The following TMEM209 variants were observed in gnomAD, a reference collection of about 807,000 sequenced individuals.
TMEM209 encodes the protein transmembrane protein 209, also known as testicular tissue protein Li 202.
In TMEM209, 65 loss-of-function variants were observed where a neutral mutation model predicts 76.2. That is an observed-to-expected ratio of 0.85 (90% CI 0.70 to 1.05). The LOEUF (loss-of-function observed/expected upper bound fraction) is 1.05. Ranked by LOEUF, TMEM209 falls within the 50% of genes least tolerant of loss-of-function variation. The probability of loss-of-function intolerance (pLI) is 0.00; values close to 1 mark genes in which losing one functional copy is unlikely to be tolerated. For synonymous variants in TMEM209, 239 were observed against 237.6 expected, an observed-to-expected ratio of 1.01 and a Z score of -0.06; for missense variants, 623 against 685.5, an observed-to-expected ratio of 0.91 and a Z score of 1.02.
chr7:130,192,185 A>C (rs1797818928), intron 6 of TMEM209: 1 of 171,146 alleles, frequency 5.8e-6, no homozygotes, highest in Non-Finnish European at 1.3e-5. Flanking sequence ...GGAAATACTA[A>C]AACGCAAGTT....
intron 1 of TMEM209, among the ~76,000 whole-genome samples, chr7:130,204,748 G>A (rs1229328860): frequency 1.3e-5 from 2 of 152,232 alleles, no homozygotes; most frequent in African/African-American, 2.4e-5. Context: ...TTTGGGGTAT[G>A]TTACACGGAC....
intron 10 of TMEM209, among the ~76,000 whole-genome samples, chr7:130,176,188 C>T (rs1797230865): frequency 6.6e-6 from 1 of 150,814 alleles, no homozygotes; most frequent in South Asian, 2.1e-4. Flanking sequence ...TCTCGGCTCA[C>T]TGCAAGCTCC....
intron 6 of TMEM209, among the ~76,000 whole-genome samples, chr7:130,187,550 A>T (rs768993273): frequency 6.6e-6 from 1 of 151,860 alleles, no homozygotes; most frequent in Non-Finnish European, 1.5e-5. Flanking sequence ...GTAGAGGACC[A>T]GGAATCTCAA....
At chr7:130,193,136 G>A (rs1330677170) in intron 5 of TMEM209, among the ~76,000 whole-genome samples, 1 of 152,192 alleles carries the variant, frequency 6.6e-6, no homozygotes, top group Non-Finnish European at 1.5e-5. Flanking sequence ...AAACCTGTAT[G>A]TTTATGGCAG....
chr7:130,203,360 T>C (rs565752836), intron 3 of TMEM209, among the ~76,000 whole-genome samples: 60 of 152,194 alleles, frequency 3.9e-4, no homozygotes, highest in Non-Finnish European at 7.5e-4. Flanking sequence ...AAATTTACTT[T>C]AACATCCATA....
intron 6 of TMEM209, 71 bp from the exon 7 acceptor site, chr7:130,185,438 T>A: frequency 7.5e-7 from 1 of 1,328,614 alleles, no homozygotes; most frequent in Non-Finnish European, 1.0e-6. Context: ...CACTTATATC[T>A]AGGCAATGGC....
chr7:130,175,650 C>CA, intron 10 of TMEM209, 41 bp from the exon 11 acceptor site: 3 of 1,374,748 alleles, frequency 2.2e-6, no homozygotes, highest in Non-Finnish European at 2.9e-6. Context: ...TAAGAGTATG[C>CA]AAAAAAGAAA....
At chr7:130,184,387 A>AG in intron 7 of TMEM209, 132 bp from the exon 8 acceptor site, 1 of 607,268 alleles carries the variant, frequency 1.6e-6, no homozygotes, top group Non-Finnish European at 2.8e-6. Context: ...ATATTCATCT[A>AG]ATTAATATTC....
At chr7:130,205,156 C>T (rs74969657) in intron 1 of TMEM209, 61 of 1,461,792 alleles carry the variant, frequency 4.2e-5, no homozygotes, top group Non-Finnish European at 5.4e-5. Flanking sequence ...CGCCACTCAG[C>T]CCCCGCGTCC....
rs1298831366 is a variant in TMEM209, at chr7:130,205,054, T to C, written c.3+319A>G. On this transcript the variant is annotated intron_variant, in intron 1 of 14. Transcript: ENST00000397622. ...ACATTTGGGATTTATAATTCCTCCT[T>C]TCTTCAGCTAGGCTCAACTCTTACA... 4.6e-6 allele frequency: 6 copies of C among 1,314,220 alleles called. No homozygotes were observed. In the Admixed American group the frequency reaches 1.6e-4, roughly 34 times the overall value. The allele number at this position is 1,314,220 out of a possible 1,614,324, so 81.4% of individuals were successfully genotyped here.
intron 9 of TMEM209, among the ~76,000 whole-genome samples, chr7:130,180,910 C>T (rs1350815876): frequency 6.6e-6 from 1 of 152,122 alleles, no homozygotes; most frequent in African/African-American, 2.4e-5. Context: ...GGCAGTGCCT[C>T]AAAAGGTTAG....
rs143570435 is a variant in TMEM209, at chr7:130,173,763, C to T, written c.1460-34G>A. ...GAAGGCAATATGCTGCATTAAAAAA[C>T]CAAACCCCCAGAGATATTTTGTGTG... On this transcript the variant is annotated intron_variant, in intron 12 of 14. Transcript: ENST00000397622. 1.2e-4 allele frequency: 199 copies of T among 1,608,580 alleles called. No individual in the cohort carries two copies. The African/African-American group carries it at 2.5e-3, about 20-fold the overall frequency.
At position 130,202,043 on chromosome 7, in the gene TMEM209, G is replaced by C; in HGVS notation, c.380C>G (p.Pro127Arg). Residue 127 changes from proline to arginine, a missense_variant, in exon 5 of 15, where the codon CCC becomes CGC. Physicochemically the swap from Pro to Arg is moderately radical, Grantham distance 103 (BLOSUM62 -2). Transcript: ENST00000397622. ...CTGAATTGAAGGGGAAGGTGGAGCG[G>C]GAGGGATTTGGGTTGCTGCCAGATC... ...PHDLAATQIP[P>R]APPSPSIQGQ... 3.1e-6 allele frequency: 5 copies of C among 1,613,904 alleles called. No individual in the cohort carries two copies. The highest frequency in any genetic ancestry group is 4.2e-6 in the Non-Finnish European group (5 of 1,179,902).
chr7:130,181,792 C>T lies in TMEM209; in HGVS notation c.1024-73G>A, dbSNP rs945431960. ...TGTCAAATAATTACTTTCTTTTTTA[C>T]AAGCAACTCTAAGAATTTTTTTTAC... On this transcript the variant is annotated intron_variant, in intron 8 of 14. Transcript: ENST00000397622. 13 of 1,260,490 alleles carry T rather than the reference C, an allele frequency of 1.0e-5. No homozygotes were observed. In the African/African-American group the frequency reaches 1.9e-4, roughly 19 times the overall value. The allele number at this position is 1,260,490 out of a possible 1,614,324, so 78.1% of individuals were successfully genotyped here.
At position 130,175,581 on chromosome 7, in the gene TMEM209, T is replaced by C; in HGVS notation, c.1275A>G (p.Ser425=). 6.2e-7 allele frequency: 1 copy of C among 1,613,060 alleles called. No individual in the cohort carries two copies. Among genetic ancestry groups the C allele is most frequent in the Non-Finnish European group, 8.5e-7 (1 of 1,179,612 alleles). ...KELSQGGCMS[S]FRWNRGGDFK... ...AGTCGCCACCTCTGTTCCATCGAAA[T>C]GAGCTCATACAACCTCCCTGAGATA... The change falls in exon 11 of 15, where the codon TCA becomes TCG. Residue 425 remains serine (S), a synonymous_variant. Transcript: ENST00000397622.
intron 5 of TMEM209, among the ~76,000 whole-genome samples, chr7:130,196,759 A>G (rs1797990099): frequency 6.6e-6 from 1 of 152,214 alleles, no homozygotes; most frequent in Non-Finnish European, 1.5e-5. Context: ...TTAGACTTCT[A>G]GCATTCAGAA....
intron 13 of TMEM209, among the ~76,000 whole-genome samples, chr7:130,171,372 T>C (rs1459200042): frequency 6.6e-6 from 1 of 152,158 alleles, no homozygotes; most frequent in Non-Finnish European, 1.5e-5. Context: ...AGCTCCTAAT[T>C]TAGATTTTCA....
intron 9 of TMEM209, 64 bp downstream of exon 9, chr7:130,181,559 A>G (rs922214973): frequency 1.2e-5 from 16 of 1,387,516 alleles, no homozygotes; most frequent in Non-Finnish European, 1.6e-5. Flanking sequence ...CGTCCATTAC[A>G]AGAAGTTTTC....
Position 130,175,860 on chromosome 7 carries a change from T to C in TMEM209, c.1247-251A>G, listed in dbSNP as rs959104390. ...GCTTCTTAAAAAAAGAGTTGATGGGTAGGGAAAATTTGAATATGGACAATA... is the reference window on the plus strand; with the variant it reads ...GCTTCTTAAAAAAAGAGTTGATGGGCAGGGAAAATTTGAATATGGACAATA... On this transcript the variant is annotated intron_variant, in intron 10 of 14. Coordinates refer to ENST00000397622, the MANE Select transcript of TMEM209 (RefSeq NM_032842.4). 2.0e-5 allele frequency among the ~76,000 whole-genome samples: 3 copies of C among 152,088 alleles called. No individual in the cohort carries two copies. In the East Asian group the frequency reaches 5.8e-4, roughly 29 times the overall value.
Sources: allele counts gnomAD v4.1 joint callset (sites outside exome capture counted in the v4.1 genomes callset), GRCh38; gene constraint gnomAD v4.1.1; transcripts MANE v1.5; gene names NCBI Gene and HGNC (gene_info 2026-07-23, HGNC 2026-07-21).